SPTB: variants seen among roughly 807,000 people sequenced by gnomAD.
The protein encoded by SPTB is spectrin beta, erythrocytic, also known as spectrin beta chain, erythrocytic.
A neutral mutation model predicts 256.2 loss-of-function variants in SPTB; 45 were observed. The observed-to-expected ratio is 0.18, with a 90% CI of 0.14 to 0.23. The LOEUF (loss-of-function observed/expected upper bound fraction) is 0.23. SPTB is among the 10% of genes least tolerant of loss of function. The pLI is 1.00. For synonymous variants in SPTB, 1,231 were observed against 1,243.1 expected (o/e 0.99, Z 0.21); for missense variants, 2,715 against 3,040.4 (o/e 0.89, Z 2.52).
chr14:64,785,396 A>G lies in SPTB; in HGVS notation c.3855+141T>C. ...ACTGAAGATTCCAGAGAATGACCCA[A>G]TTAAGTACCCAGAGGTCCCCGCTCA... On this transcript the variant is annotated intron_variant, in intron 18 of 35. Transcript: ENST00000644917. This position sits in a 1 kb window ranked among gnomAD's most constrained non-coding sequence, Gnocchi z 4.4. 1.4e-6 allele frequency: 1 copy of G among 737,660 alleles called. No homozygotes were observed. The highest frequency in any genetic ancestry group is 2.3e-6 in the Non-Finnish European group (1 of 431,728). The allele number at this position is 737,660 out of a possible 1,614,324, so 45.7% of individuals were successfully genotyped here. A position where few individuals can be genotyped will look rare whatever the true frequency, so the allele number is the denominator to read the frequency against.
chr14:64,766,886 C>A, intron 31 of SPTB, 85 bp from the exon 32 acceptor site: 1 of 1,540,570 alleles, frequency 6.5e-7, no homozygotes, highest in Non-Finnish European at 8.9e-7. Context: ...CACCTGCGCC[C>A]ACAGGGAGGA....
In SPTB at chr14:64,799,763, C is replaced by A; in HGVS notation, c.1048G>T (p.Val350Leu). ...GGCCCTTACTTGGGCGGCTTCTCCA[C>A]GGTGCGGTAGGTGCTGAAGGCCTGC... Reference protein sequence around the residue: ...QLQAFSTYRTVEKPPKFQEKG... With the variant: ...QLQAFSTYRTLEKPPKFQEKG... The change falls in exon 9 of 36, where the codon GTG becomes TTG. Residue 350 changes from valine (V) to leucine (L), a missense_variant. Val to Leu is a conservative substitution (Grantham distance 32). Around this residue, in one of 4 missense-constraint regions of SPTB, gnomAD observed 416 missense variants for 571.1 expected, o/e 0.73. Transcript: ENST00000644917. 6.2e-7 allele frequency: 1 copy of A among 1,614,182 alleles called. No homozygotes were observed. The highest frequency in any genetic ancestry group is 1.1e-5 in the South Asian group (1 of 91,080).
intron 12 of SPTB, 90 bp from the exon 13 acceptor site, chr14:64,794,707 G>C: frequency 1.9e-6 from 3 of 1,550,204 alleles, no homozygotes; most frequent in Non-Finnish European, 2.7e-6. Context: ...CATGTCTCTA[G>C]TAATCTGAGC....
intron 1 of SPTB, among the ~76,000 whole-genome samples, chr14:64,859,819 G>A (rs950906097): frequency 6.6e-6 from 1 of 151,976 alleles, no homozygotes; most frequent in Non-Finnish European, 1.5e-5. Context: ...GGCTAAGAAA[G>A]GTGGATGATG....
intron 1 of SPTB, among the ~76,000 whole-genome samples, chr14:64,854,984 T>G (rs2083849401): frequency 6.6e-6 from 1 of 152,120 alleles, no homozygotes; most frequent in Non-Finnish European, 1.5e-5. Flanking sequence ...GGCGCCTGAA[T>G]GAGATCATCC....
At chr14:64,780,039 C>A in intron 20 of SPTB, 108 bp from the exon 21 acceptor site, 1 of 956,020 alleles carries the variant, frequency 1.0e-6, no homozygotes. Context: ...AATTTGAGCT[C>A]AACTTCCTCC....
Position 64,754,246 on chromosome 14 carries a change from T to C in SPTB, c.6346-453A>G. The C allele has an allele frequency of 3.1e-5, 9 of 287,740 alleles. No individual in the cohort carries two copies. The South Asian group carries it at 3.3e-4, about 11-fold the overall frequency. 17.8% of individuals were successfully genotyped at this position (287,740 alleles called of 1,614,324 possible). Reference sequence around the variant, plus strand: ...AGTTCGGCAACCACTTATAGTAGAATGTTGAATGGGAACTCTTCTGGTACT... The same window carrying C: ...AGTTCGGCAACCACTTATAGTAGAACGTTGAATGGGAACTCTTCTGGTACT... On this transcript the variant is annotated intron_variant, in intron 32 of 35. Transcript: ENST00000644917.
chr14:64,753,704 C>T lies in SPTB; in HGVS notation c.6435G>A (p.Glu2145=). The change falls in exon 33 of 36, where the codon GAG becomes GAA. Residue 2145 remains glutamate (E), a synonymous_variant. Transcript: ENST00000644917. ...HKDGQKSTGD[E]RPTTEPLFKV... ...TAAAGAGGGGCTCCGTGGTGGGCCT[C>T]TCATCCCCAGTGGATTTCTGCCCAT... 2.5e-6 allele frequency: 4 copies of T among 1,613,762 alleles called. No individual in the cohort carries two copies. The highest frequency in any genetic ancestry group is 3.4e-6 in the Non-Finnish European group (4 of 1,180,018).
At chr14:64,801,438 C>T (rs2082884094) in intron 6 of SPTB, 38 bp from the exon 7 acceptor site, 2 of 1,479,758 alleles carry the variant, frequency 1.4e-6, no homozygotes, top group African/African-American at 1.4e-5. Flanking sequence ...GGAGTAGCCA[C>T]AGCATCCCCA....
Position 64,749,625 on chromosome 14 carries a change from C to T in SPTB, c.6819+29G>A. On this transcript the variant is annotated intron_variant, in intron 35 of 35. Transcript: ENST00000644917. The surrounding 1 kb of genome is among the most constrained non-coding windows in gnomAD (Gnocchi z 4.7). Reference sequence around the variant, plus strand: ...GTCCTCCACCTACCCCCTTCTTAGCCAGGTCTGGGCTAGGCTGCCCGCGCT... The same window carrying T: ...GTCCTCCACCTACCCCCTTCTTAGCTAGGTCTGGGCTAGGCTGCCCGCGCT... 1 of 1,613,084 alleles carries T rather than the reference C, an allele frequency of 6.2e-7. No homozygotes were observed. The highest frequency in any genetic ancestry group is 1.6e-4 in the Middle Eastern group (1 of 6,062).
chr14:64,854,101 AGAATCACTT>A (rs1320432944), intron 1 of SPTB, among the ~76,000 whole-genome samples: 1 of 151,670 alleles, frequency 6.6e-6, no homozygotes, highest in African/African-American at 2.4e-5. Context: ...CTGAGGCAGA[AGAATCACTT>A]GAACCCAGGA....
rs1038347631 is a variant in SPTB, at chr14:64,775,773, G to A, written c.4564-370C>T. ...ATTCCTTAGGTGTATGTGTTGGAAGGAAAAGAAAAATGGCCTTTTTGATAC... is the reference window on the plus strand; with the variant it reads ...ATTCCTTAGGTGTATGTGTTGGAAGAAAAAGAAAAATGGCCTTTTTGATAC... On this transcript the variant is annotated intron_variant, in intron 22 of 35. Transcript: ENST00000644917. This position sits in a 1 kb window ranked among gnomAD's most constrained non-coding sequence, Gnocchi z 5.0. Among the ~76,000 whole-genome samples the A allele has an allele frequency of 1.3e-5, 2 of 152,160 alleles. No homozygotes were observed. The highest frequency in any genetic ancestry group is 4.8e-5 in the African/African-American group (2 of 41,442).
In SPTB at chr14:64,782,533, A is replaced by G. The variant is rs2082490871; in HGVS notation, c.4023T>C (p.Asp1341=). 1.9e-6 allele frequency: 3 copies of G among 1,613,996 alleles called. No individual in the cohort carries two copies. Among genetic ancestry groups the G allele is most frequent in the Non-Finnish European group, 2.5e-6 (3 of 1,180,038 alleles). ...NIDAEGKQLM[D]EKPQFTALVS... ...CCAGGGCTGTAAACTGGGGCTTCTC[A>G]TCCATCAGCTGCTTTCCTTCCTAGG... Residue 1341 remains aspartate (D), a synonymous_variant, in exon 20 of 36, where the codon GAT becomes GAC. Coordinates refer to ENST00000644917, the MANE Select transcript of SPTB (RefSeq NM_001355436.2).
rs78283197 is a variant in SPTB at position 64,822,665 on chromosome 14, G to A, written c.148+282C>T. 7.4e-3 allele frequency among the ~76,000 whole-genome samples: 1,124 copies of A among 152,210 alleles called. 6 individuals carry two copies. The highest frequency in any genetic ancestry group is 0.034 in the Middle Eastern group (10 of 294). The stretch of plus-strand genomic sequence containing the variant: ...CAGACACTGCTTTGCCCAGACTCTC[G>A]TACTTCTCACTTGGCCGCAGGTCAC... On this transcript the variant is annotated intron_variant, in intron 2 of 35. Transcript: ENST00000644917.
intron 1 of SPTB, among the ~76,000 whole-genome samples, chr14:64,869,270 T>C (rs910031007): frequency 6.6e-6 from 1 of 152,224 alleles, no homozygotes; most frequent in East Asian, 1.9e-4. Context: ...CAATAAATGT[T>C]GACTTACTGT....
chr14:64,822,359 C>CTATA (rs1389345302), intron 2 of SPTB, among the ~76,000 whole-genome samples: 1 of 77,198 alleles, frequency 1.3e-5, no homozygotes, highest in African/African-American at 4.6e-5. Context: ...CCTTCTCTCT[C>CTATA]TCTCTCTCTC....
In SPTB at chr14:64,778,180, C is replaced by T. The variant is rs1471067008; in HGVS notation, c.4563+977G>A. ...GATCATGTCAACCAGAAGCAAAGGG[C>T]CTAAGGCAGCTTTGAAGAAACTTCT... On this transcript the variant is annotated intron_variant, in intron 22 of 35. Transcript: ENST00000644917. This position sits in a 1 kb window ranked among gnomAD's most constrained non-coding sequence, Gnocchi z 5.2. 1.3e-5 allele frequency among the ~76,000 whole-genome samples: 2 copies of T among 152,316 alleles called. No individual in the cohort carries two copies. The highest frequency in any genetic ancestry group is 2.1e-4 in the South Asian group (1 of 4,822).
rs1454891271 is a variant in SPTB, at chr14:64,852,931, T to C, written c.-52+26861A>G. Reference sequence around the variant, plus strand: ...TGAATTATTACAAATAATTATAATTTACACATTGCAGAGTGCTGCCGAGGA... The same window carrying C: ...TGAATTATTACAAATAATTATAATTCACACATTGCAGAGTGCTGCCGAGGA... On this transcript the variant is annotated intron_variant, in intron 1 of 35. Coordinates refer to ENST00000644917, the MANE Select transcript of SPTB (RefSeq NM_001355436.2). The surrounding 1 kb of genome is among the most constrained non-coding windows in gnomAD (Gnocchi z 4.2). Among the ~76,000 whole-genome samples the C allele has an allele frequency of 1.3e-5, 2 of 152,160 alleles. No individual in the cohort carries two copies. Among genetic ancestry groups the C allele is most frequent in the Non-Finnish European group, 2.9e-5 (2 of 68,026 alleles).
intron 2 of SPTB, among the ~76,000 whole-genome samples, chr14:64,814,387 A>G (rs1278022425): frequency 1.3e-5 from 2 of 152,158 alleles, no homozygotes; most frequent in African/African-American, 4.8e-5. Context: ...ATAGACATTA[A>G]AGTGTCTATA....
Sources: allele counts gnomAD v4.1 joint callset (sites outside exome capture counted in the v4.1 genomes callset), GRCh38; gene constraint gnomAD v4.1.1; regional missense constraint gnomAD v4.1.1; non-coding constraint Gnocchi (gnomAD v3.1); transcripts MANE v1.5; gene names NCBI Gene and HGNC (gene_info 2026-07-23, HGNC 2026-07-21).